KIF26B: variants seen among roughly 807,000 people sequenced by gnomAD.
The protein encoded by KIF26B is kinesin-like protein KIF26B.
KIF26B carries 63 observed loss-of-function variants against 151.2 expected under a neutral mutation model. That is an observed-to-expected ratio of 0.42 (90% CI 0.34 to 0.51). KIF26B has a LOEUF of 0.51. KIF26B is among the 20% of genes least tolerant of loss of function. The pLI is 0.07. For synonymous variants in KIF26B, 1,357 were observed against 1,262.1 expected, an observed-to-expected ratio of 1.08 and a Z score of -1.59; for missense variants, 2,813 against 2,913.6, an observed-to-expected ratio of 0.97 and a Z score of 0.79.
intron 2 of KIF26B, among the ~76,000 whole-genome samples, chr1:245,158,217 T>C (rs932255538): frequency 1.3e-5 from 2 of 152,156 alleles, no homozygotes; most frequent in Non-Finnish European, 2.9e-5. Flanking sequence ...CCTATTCTTA[T>C]AATAGGCTTA....
chr1:245,377,224 A>G (rs182220476), intron 3 of KIF26B, among the ~76,000 whole-genome samples: 4 of 152,344 alleles, frequency 2.6e-5, no homozygotes, highest in African/African-American at 9.6e-5. Flanking sequence ...CTGTGGCTTT[A>G]AAAGCAACAA....
rs543803473 is a variant in KIF26B at position 245,543,401 on chromosome 1, A to T, written c.1350+2451A>T. Among the ~76,000 whole-genome samples, 134 of 152,354 alleles carry T rather than the reference A, an allele frequency of 8.8e-4. 1 individual carries two copies. Among genetic ancestry groups the T allele is most frequent in the Middle Eastern group, 3.4e-3 (1 of 294 alleles). On this transcript the variant is annotated intron_variant, in intron 5 of 14. Transcript: ENST00000407071. ...AAAGTTTGCATTTCACACTTTTTTA[A>T]AAAAATTAAAGATATCTCTCTCACT...
At chr1:245,356,815 C>T (rs1672711041) in intron 2 of KIF26B, among the ~76,000 whole-genome samples, 1 of 152,100 alleles carries the variant, frequency 6.6e-6, no homozygotes, top group Admixed American at 6.5e-5. Context: ...GGTGGCCATG[C>T]TGTAGAGAGA....
intron 12 of KIF26B, among the ~76,000 whole-genome samples, chr1:245,689,596 C>T (rs1052416672): frequency 2.6e-4 from 39 of 152,132 alleles, no homozygotes; most frequent in Non-Finnish European, 1.0e-4. Context: ...CTTACTCTAT[C>T]GCCCAGGCTG....
rs888226987 is a variant in KIF26B at position 245,352,521 on chromosome 1, C to T, written c.466-14313C>T. ...GAAAGTAATCCATCAACCTTGGCCTCGCCAAGTGCTGAGATTATAGGCGTG... is the reference window on the plus strand; with the variant it reads ...GAAAGTAATCCATCAACCTTGGCCTTGCCAAGTGCTGAGATTATAGGCGTG... On this transcript the variant is annotated intron_variant, in intron 2 of 14. Transcript: ENST00000407071. This position sits in a 1 kb window ranked among gnomAD's most constrained non-coding sequence, Gnocchi z 5.0. Among the ~76,000 whole-genome samples, 5 of 152,326 alleles carry T rather than the reference C, an allele frequency of 3.3e-5. No homozygotes were observed. Among genetic ancestry groups the T allele is most frequent in the South Asian group, 2.1e-4 (1 of 4,824 alleles).
At chr1:245,475,387 A>G (rs929516154) in intron 4 of KIF26B, among the ~76,000 whole-genome samples, 69 of 151,808 alleles carry the variant, frequency 4.5e-4, no homozygotes, top group African/African-American at 1.6e-3. Flanking sequence ...GTAGGGTTCC[A>G]TTGTTTACAA....
intron 2 of KIF26B, among the ~76,000 whole-genome samples, chr1:245,182,883 G>A (rs1350751048): frequency 3.9e-5 from 6 of 152,114 alleles, no homozygotes; most frequent in Non-Finnish European, 5.9e-5. Context: ...TGATCCACCC[G>A]CCTCGGCCTC....
Position 245,685,547 on chromosome 1 carries a change from C to G in KIF26B, c.2564C>G (p.Ser855Cys). ...IAHLSSDPDY[S>C]SSSEQSCDTV... ...CACCTGTCCAGCGACCCCGACTACT[C>G]CTCCAGCAGCGAGCAGTCCTGCGAC... Residue 855 changes from serine (S) to cysteine (C), a missense_variant, in exon 12 of 15, where the codon TCC (serine) becomes TGC (cysteine). Transcript: ENST00000407071. The G allele has an allele frequency of 6.2e-7, 1 of 1,613,864 alleles. No homozygotes were observed. Among genetic ancestry groups the G allele is most frequent in the Non-Finnish European group, 8.5e-7 (1 of 1,179,892 alleles).
At chr1:245,590,845 T>C (rs976247586) in intron 5 of KIF26B, among the ~76,000 whole-genome samples, 4 of 150,288 alleles carry the variant, frequency 2.7e-5, no homozygotes, top group African/African-American at 9.9e-5. Flanking sequence ...GAGGCAGCGG[T>C]TGCAGTGAGC....
chr1:245,688,966 C>G (rs2044583616), intron 12 of KIF26B, among the ~76,000 whole-genome samples, 159 bp downstream of exon 12: 1 of 151,858 alleles, frequency 6.6e-6, no homozygotes, highest in Admixed American at 6.5e-5. Context: ...GCCAGGGTGT[C>G]CCGTGCCCTG....
At chr1:245,269,272 A>G (rs1573743854) in intron 2 of KIF26B, among the ~76,000 whole-genome samples, 2 of 70,468 alleles carry the variant, frequency 2.8e-5, no homozygotes, top group Admixed American at 3.9e-4. Flanking sequence ...TCCTCCTCCC[A>G]CCCAACGGCC....
intron 2 of KIF26B, among the ~76,000 whole-genome samples, chr1:245,174,696 C>T (rs554947554): frequency 7.2e-5 from 11 of 152,112 alleles, no homozygotes; most frequent in South Asian, 4.2e-4. Flanking sequence ...TTTACAGTAT[C>T]GACTCTGTGT....
At chr1:245,245,559 G>A (rs1670311531) in intron 2 of KIF26B, among the ~76,000 whole-genome samples, 1 of 152,162 alleles carries the variant, frequency 6.6e-6, no homozygotes, top group South Asian at 2.1e-4. Flanking sequence ...GGGAGGCCAA[G>A]GTAGGCAGAT....
intron 4 of KIF26B, among the ~76,000 whole-genome samples, chr1:245,458,850 T>C (rs1274900627): frequency 1.3e-5 from 2 of 152,192 alleles, no homozygotes; most frequent in Non-Finnish European, 2.9e-5. Flanking sequence ...GTTTGAACAT[T>C]CATCAAATAT....
At chr1:245,515,938 C>T (rs12239310) in intron 4 of KIF26B, among the ~76,000 whole-genome samples, 37,342 of 152,016 alleles carry the variant, frequency 0.25, 5,618 homozygotes, top group East Asian at 0.49. Flanking sequence ...GAGAAAGAAT[C>T]ATCATGGAGG....
chr1:245,328,572 G>C (rs557922521), intron 2 of KIF26B, among the ~76,000 whole-genome samples: 172 of 152,286 alleles, frequency 1.1e-3, no homozygotes, highest in African/African-American at 3.8e-3. Context: ...AATTCCTAGA[G>C]TGGCCAGTGC....
intron 12 of KIF26B, among the ~76,000 whole-genome samples, chr1:245,694,563 T>C (rs1031202544): frequency 6.6e-6 from 1 of 152,158 alleles, no homozygotes; most frequent in South Asian, 2.1e-4. Flanking sequence ...GACTTCTGTC[T>C]GGACTCAGGG....
In KIF26B at chr1:245,375,500, G is replaced by A. The variant is rs571150803; in HGVS notation, c.999+8133G>A. Among the ~76,000 whole-genome samples, 2 of 152,294 alleles carry A rather than the reference G, an allele frequency of 1.3e-5. No individual in the cohort carries two copies. The highest frequency in any genetic ancestry group is 3.9e-4 in the East Asian group (2 of 5,168). On this transcript the variant is annotated intron_variant, in intron 3 of 14. Transcript: ENST00000407071. This position sits in a 1 kb window ranked among gnomAD's most constrained non-coding sequence, Gnocchi z 4.2. The stretch of plus-strand genomic sequence containing the variant: ...GGACAGAAGCAGAGGTCAGAGAGGA[G>A]AGAGATACAAATCTGTTGGCTTTGA...
At chr1:245,622,293 C>T (rs1011480682) in intron 9 of KIF26B, among the ~76,000 whole-genome samples, 10 of 152,264 alleles carry the variant, frequency 6.6e-5, no homozygotes, top group African/African-American at 2.2e-4. Context: ...TTGCCATAGA[C>T]GTGCCAGTAG....
Sources: allele counts gnomAD v4.1 joint callset (sites outside exome capture counted in the v4.1 genomes callset), GRCh38; gene constraint gnomAD v4.1.1; non-coding constraint Gnocchi (gnomAD v3.1); transcripts MANE v1.5; gene names NCBI Gene and HGNC (gene_info 2026-07-23, HGNC 2026-07-21).